The following RPIA variants were observed in gnomAD, a reference collection of about 807,000 sequenced individuals.
The protein encoded by RPIA is ribose 5-phosphate isomerase A.
Under a neutral mutation model 37.8 loss-of-function variants are expected in RPIA, and 29 were observed. The ratio of observed to expected loss-of-function variants is 0.77; its 90% CI spans 0.57 to 1.05. The LOEUF is 1.05. RPIA is among the 50% of genes least tolerant of loss of function. The probability of loss-of-function intolerance (pLI) is 0.00; values close to 1 mark genes in which losing one functional copy is unlikely to be tolerated. For missense variants in RPIA, 385 were observed against 413.6 expected, an observed-to-expected ratio of 0.93 and a Z score of 0.60; for synonymous variants, 167 against 157.0, an observed-to-expected ratio of 1.06 and a Z score of -0.48.
chr2:88,742,706 T>A (rs1174814777), intron 8 of RPIA, among the ~76,000 whole-genome samples: 3 of 152,166 alleles, frequency 2.0e-5, no homozygotes, highest in African/African-American at 7.2e-5. Context: ...ATTTGTGTTG[T>A]CTGTGGTTTT....
intron 8 of RPIA, among the ~76,000 whole-genome samples, chr2:88,739,561 A>T (rs963468752): frequency 1.3e-5 from 2 of 152,224 alleles, no homozygotes; most frequent in African/African-American, 4.8e-5. Context: ...GCTAGTTGGG[A>T]TTTAAAATAG....
intron 7 of RPIA, among the ~76,000 whole-genome samples, chr2:88,737,493 A>G (rs1037324514): frequency 2.0e-5 from 3 of 152,194 alleles, no homozygotes; most frequent in Admixed American, 6.5e-5. Context: ...AAGTCGTTCA[A>G]CCTTGACCCT....
chr2:88,718,600 G>A (rs937743673), intron 3 of RPIA, among the ~76,000 whole-genome samples: 29 of 152,234 alleles, frequency 1.9e-4, no homozygotes, highest in Admixed American at 9.2e-4. Context: ...AAGGTGTAAG[G>A]TCAGTTTTTC....
chr2:88,698,469 C>T lies in RPIA; in HGVS notation c.286-15C>T. 1 of 1,613,582 alleles carries T rather than the reference C, an allele frequency of 6.2e-7. No homozygotes were observed. Among genetic ancestry groups the T allele is most frequent in the Non-Finnish European group, 8.5e-7 (1 of 1,179,542 alleles). On this transcript the variant is annotated splice_polypyrimidine_tract_variant and intron_variant, in intron 1 of 8. Transcript: ENST00000283646. ...TATTAATAAGTTTTGTTTTTTCTTC[C>T]CCGTTTTTTGGCAGAATAACCAAGT...
At chr2:88,710,824 T>C (rs1167074573) in intron 3 of RPIA, among the ~76,000 whole-genome samples, 1 of 152,204 alleles carries the variant, frequency 6.6e-6, no homozygotes, top group Non-Finnish European at 1.5e-5. Context: ...AGATTAAGAA[T>C]GTGTTCAGGG....
In RPIA at chr2:88,691,887, G is replaced by A; in HGVS notation, c.189G>A (p.Gly63=). 6 of 1,596,696 alleles carry A rather than the reference G, an allele frequency of 3.8e-6. No homozygotes were observed. Among genetic ancestry groups the A allele is most frequent in the East Asian group, 4.5e-5 (2 of 44,238 alleles). The change falls in exon 1 of 9, where the codon GGG becomes GGA. Residue 63 remains glycine (G), a synonymous_variant. Transcript: ENST00000283646. ...GGAGNTSTSC[G]DSNSICPAPS... ...CTGGCAACACAAGCACCAGCTGCGG[G>A]GACTCCAACAGCATCTGCCCGGCCC...
chr2:88,717,624 A>T (rs1311564631), intron 3 of RPIA, among the ~76,000 whole-genome samples: 1 of 152,162 alleles, frequency 6.6e-6, no homozygotes, highest in African/African-American at 2.4e-5. Flanking sequence ...AGCAGTTCCC[A>T]GCTTGAGTGA....
intron 3 of RPIA, among the ~76,000 whole-genome samples, chr2:88,704,830 A>G (rs1161543593): frequency 6.6e-6 from 1 of 152,214 alleles, no homozygotes; most frequent in Non-Finnish European, 1.5e-5. Context: ...CCATCATCTC[A>G]GCCCAAAAGC....
At chr2:88,694,540 A>G (rs1169008735) in intron 1 of RPIA, among the ~76,000 whole-genome samples, 1 of 152,230 alleles carries the variant, frequency 6.6e-6, no homozygotes, top group Non-Finnish European at 1.5e-5. Flanking sequence ...AAACACACAC[A>G]CACAATGTTT....
In RPIA at chr2:88,719,767, C is replaced by T. The variant is rs143290002; in HGVS notation, c.403-9511C>T. 2.7e-3 allele frequency among the ~76,000 whole-genome samples: 408 copies of T among 152,208 alleles called. 2 individuals are homozygous for T. Among genetic ancestry groups the T allele is most frequent in the African/African-American group, 9.2e-3 (383 of 41,542 alleles). On this transcript the variant is annotated intron_variant, in intron 3 of 8. Coordinates refer to ENST00000283646, the MANE Select transcript of RPIA (RefSeq NM_144563.3). ...TATAAACAATTTATAAAATTTTAAT[C>T]TTGAACATAAGATATAACTTCCATA...
intron 1 of RPIA, among the ~76,000 whole-genome samples, chr2:88,697,663 C>T (rs979798641): frequency 6.6e-6 from 1 of 152,164 alleles, no homozygotes; most frequent in African/African-American, 2.4e-5. Flanking sequence ...TCTGCCTGTA[C>T]TTTGTACTCA....
intron 3 of RPIA, among the ~76,000 whole-genome samples, chr2:88,705,850 C>T (rs1302703281): frequency 6.6e-6 from 1 of 151,148 alleles, no homozygotes; most frequent in Non-Finnish European, 1.5e-5. Context: ...GGAACTTAAA[C>T]AAATTTATAA....
intron 3 of RPIA, among the ~76,000 whole-genome samples, chr2:88,707,456 T>C (rs1211839790): frequency 6.6e-6 from 1 of 152,190 alleles, no homozygotes; most frequent in East Asian, 1.9e-4. Flanking sequence ...ATAATGGAAG[T>C]GCAATTTGAG....
chr2:88,705,817 G>C (rs1264600328), intron 3 of RPIA, among the ~76,000 whole-genome samples: 1 of 152,088 alleles, frequency 6.6e-6, no homozygotes, highest in Non-Finnish European at 1.5e-5. Flanking sequence ...ATCTGACAAA[G>C]TTCTAATATC....
At chr2:88,733,235 G>A (rs901230316) in intron 4 of RPIA, among the ~76,000 whole-genome samples, 1 of 152,188 alleles carries the variant, frequency 6.6e-6, no homozygotes, top group Non-Finnish European at 1.5e-5. Flanking sequence ...TGGCTGGGGT[G>A]ATAGGACAGA....
chr2:88,748,800 T>A (rs1305132370), intron 8 of RPIA, among the ~76,000 whole-genome samples: 3 of 152,156 alleles, frequency 2.0e-5, no homozygotes, highest in Admixed American at 1.3e-4. Flanking sequence ...CAACCTCTGC[T>A]CCTGGGCTCA....
At chr2:88,726,315 G>A (rs1673196770) in intron 3 of RPIA, among the ~76,000 whole-genome samples, 1 of 152,060 alleles carries the variant, frequency 6.6e-6, no homozygotes, top group Admixed American at 6.5e-5. Flanking sequence ...GGCTTTAAAT[G>A]TGGTCCAACA....
chr2:88,694,485 G>A (rs923712744), intron 1 of RPIA, among the ~76,000 whole-genome samples: 27 of 152,170 alleles, frequency 1.8e-4, no homozygotes, highest in African/African-American at 5.8e-4. Flanking sequence ...CCTAGCTTCA[G>A]GTCATATGTG....
In RPIA at chr2:88,708,845, C is replaced by T. The variant is rs530172657; in HGVS notation, c.402+8781C>T. Among the ~76,000 whole-genome samples the T allele has an allele frequency of 3.3e-5, 5 of 151,816 alleles. No individual in the cohort carries two copies. The South Asian group carries it at 1.0e-3, about 32-fold the overall frequency. On this transcript the variant is annotated intron_variant, in intron 3 of 8. Coordinates refer to ENST00000283646, the MANE Select transcript of RPIA (RefSeq NM_144563.3). ...GATCTTGGCTCACTGCAAGCTCCAC[C>T]TCCTGGGTTCATGCCGTACTCCTGC...
Sources: gnomAD v4.1 joint callset for allele counts (sites outside exome capture counted in the v4.1 genomes callset) on GRCh38, gnomAD v4.1.1 for gene constraint, MANE v1.5 for transcripts, NCBI Gene and HGNC (gene_info 2026-07-23, HGNC 2026-07-21) for gene names.